The following NREP variants were observed in gnomAD, a reference collection of about 807,000 sequenced individuals.
NREP encodes the protein neuronal regeneration-related protein.
Under a neutral mutation model 8.6 loss-of-function variants are expected in NREP, and 5 were observed. The ratio of observed to expected loss-of-function variants is 0.58; its 90% CI spans 0.30 to 1.22. The LOEUF is 1.22. Ranked by LOEUF, NREP falls within the 50% of genes most tolerant of loss-of-function variation. The probability of loss-of-function intolerance (pLI) is 0.07; values close to 1 mark genes in which losing one functional copy is unlikely to be tolerated. For synonymous variants in NREP, 27 were observed against 28.0 expected, an observed-to-expected ratio of 0.96 and a Z score of 0.11; for missense variants, 86 against 82.5, an observed-to-expected ratio of 1.04 and a Z score of -0.17.
chr5:111,960,780 GTC>G (rs1375861492), intron 2 of NREP, among the ~76,000 whole-genome samples: 1 of 152,090 alleles, frequency 6.6e-6, no homozygotes, highest in Admixed American at 6.5e-5. Context: ...AGAAATAGAC[GTC>G]TATATATTGT....
At chr5:111,911,715 T>C (rs894046254) in intron 2 of NREP, among the ~76,000 whole-genome samples, 1 of 152,132 alleles carries the variant, frequency 6.6e-6, no homozygotes, top group Non-Finnish European at 1.5e-5. Flanking sequence ...TGAGAGGGTC[T>C]ATTTTTTTGA....
At chr5:111,949,335 A>G (rs1343462942) in intron 2 of NREP, among the ~76,000 whole-genome samples, 1 of 151,062 alleles carries the variant, frequency 6.6e-6, no homozygotes, top group Non-Finnish European at 1.5e-5. Context: ...GCACAGGAAA[A>G]GACATTCAAA....
intron 2 of NREP, among the ~76,000 whole-genome samples, chr5:111,938,637 G>C (rs570479897): frequency 6.6e-6 from 1 of 152,020 alleles, no homozygotes; most frequent in East Asian, 1.9e-4. Context: ...ACCTATGCCG[G>C]GGATAATATC....
intron 1 of NREP, 170 bp from the exon 2 acceptor site, chr5:111,756,000 A>G: frequency 1.4e-6 from 2 of 1,406,710 alleles, no homozygotes; most frequent in Non-Finnish European, 1.9e-6. Flanking sequence ...CAAGTGGCCT[A>G]TAGGCTTAAC....
At chr5:111,813,184 A>G (rs1028421457) in intron 2 of NREP, among the ~76,000 whole-genome samples, 7 of 152,156 alleles carry the variant, frequency 4.6e-5, no homozygotes, top group African/African-American at 1.7e-4. Flanking sequence ...GACTTCCCCA[A>G]AGTTATTTAG....
chr5:111,918,936 G>A (rs1381569457), intron 2 of NREP, among the ~76,000 whole-genome samples: 1 of 151,908 alleles, frequency 6.6e-6, no homozygotes, highest in East Asian at 1.9e-4. Context: ...TCATCAGAGT[G>A]AACAGGCAAC....
intron 2 of NREP, chr5:111,755,294 C>A (rs1355182526): frequency 6.5e-6 from 1 of 153,844 alleles, no homozygotes; most frequent in African/African-American, 2.4e-5. Context: ...AGATGGGGCA[C>A]ATTAATATAA....
chr5:111,837,656 A>G (rs752582886), intron 2 of NREP, among the ~76,000 whole-genome samples: 1 of 152,036 alleles, frequency 6.6e-6, no homozygotes, highest in Non-Finnish European at 1.5e-5. Context: ...AATAATAATT[A>G]TGTGCAAAGA....
intron 2 of NREP, among the ~76,000 whole-genome samples, chr5:111,974,150 A>G (rs1756897498): frequency 6.6e-6 from 1 of 152,178 alleles, no homozygotes; most frequent in Non-Finnish European, 1.5e-5. Flanking sequence ...TGTGTTCTGT[A>G]TAGTGTCCGT....
intron 2 of NREP, among the ~76,000 whole-genome samples, chr5:111,751,725 T>C (rs1750373953): frequency 2.0e-5 from 3 of 152,220 alleles, no homozygotes; most frequent in Admixed American, 2.0e-4. Context: ...ATTATACAGA[T>C]AATTCAGGCA....
chr5:111,756,217 T>C (rs1306057184), intron 1 of NREP: 1 of 1,008,998 alleles, frequency 9.9e-7, no homozygotes, highest in East Asian at 8.8e-5. Context: ...AGAATAGGAA[T>C]CAGCCTTCCA....
intron 2 of NREP, among the ~76,000 whole-genome samples, chr5:111,818,545 C>T (rs1752444961): frequency 6.6e-6 from 1 of 152,096 alleles, no homozygotes; most frequent in Admixed American, 6.6e-5. Flanking sequence ...CTATGATTTG[C>T]TGAAAAGCAT....
intron 2 of NREP, among the ~76,000 whole-genome samples, chr5:111,764,773 G>C (rs1751042157): frequency 6.6e-6 from 1 of 152,088 alleles, no homozygotes; most frequent in Non-Finnish European, 1.5e-5. Flanking sequence ...TACCCAAGAA[G>C]GTAAACCCCT....
chr5:111,757,396 G>C, upstream of NREP: 2 of 973,696 alleles, frequency 2.1e-6, no homozygotes, highest in African/African-American at 1.8e-5. Flanking sequence ...CTCTCTCCAA[G>C]AGTGTGTGTG....
At chr5:111,825,547 G>A (rs1752602966) in intron 2 of NREP, among the ~76,000 whole-genome samples, 1 of 152,176 alleles carries the variant, frequency 6.6e-6, no homozygotes, top group African/African-American at 2.4e-5. Flanking sequence ...AAGAACAGAA[G>A]ACACTAGTTT....
At chr5:111,804,353 T>C (rs887871851) in intron 2 of NREP, among the ~76,000 whole-genome samples, 2 of 152,132 alleles carry the variant, frequency 1.3e-5, no homozygotes, top group Non-Finnish European at 1.5e-5. Flanking sequence ...GTTCAGATCC[T>C]ACAAAAGAAT....
At chr5:111,760,466 G>T (rs373797339), upstream of NREP, among the ~76,000 whole-genome samples, 12 of 152,332 alleles carry the variant, frequency 7.9e-5, no homozygotes, top group African/African-American at 2.9e-4. Flanking sequence ...CATGGAATTT[G>T]TCGTCTGGGG....
intron 2 of NREP, among the ~76,000 whole-genome samples, chr5:111,754,549 A>G (rs1428973057): frequency 3.3e-5 from 5 of 152,210 alleles, no homozygotes; most frequent in African/African-American, 1.2e-4. Context: ...CCATCCTATT[A>G]TTCTATGACA....
At chr5:111,775,687 G>T (rs187107465) in intron 2 of NREP, among the ~76,000 whole-genome samples, 32 of 152,154 alleles carry the variant, frequency 2.1e-4, no homozygotes, top group Admixed American at 1.9e-3. Flanking sequence ...GTAGACGAGG[G>T]CTTTGTAAAA....
Sources: allele counts gnomAD v4.1 joint callset (sites outside exome capture counted in the v4.1 genomes callset), GRCh38; gene constraint gnomAD v4.1.1; transcripts MANE v1.5; gene names NCBI Gene and HGNC (gene_info 2026-07-23, HGNC 2026-07-21).